Variants in NBPF26 observed in about 807,000 individuals in gnomAD.
NBPF26 encodes the protein NBPF member 26, also known as NBPF family member NBPF26.
Under a neutral mutation model 119.6 loss-of-function variants are expected in NBPF26, and 79 were observed. That is an observed-to-expected ratio of 0.66 (90% CI 0.55 to 0.80). The LOEUF is 0.80. Ranked by LOEUF, NBPF26 falls within the 30% of genes least tolerant of loss-of-function variation. The pLI, the probability that NBPF26 is intolerant of heterozygous loss-of-function variation, is 0.00. For synonymous variants in NBPF26, 299 were observed against 457.7 expected (o/e 0.65, Z 4.43); for missense variants, 800 against 1,198.2 (o/e 0.67, Z 4.91).
In NBPF26 at chr1:120,811,833, A is replaced by G. The variant is rs1651874389; in HGVS notation, c.1565-53A>G. 1.1e-5 allele frequency: 8 copies of G among 720,872 alleles called. 2 individuals are homozygous for G. Among genetic ancestry groups the G allele is most frequent in the South Asian group, 3.0e-5 (2 of 67,766 alleles). The allele number at this position is 720,872 out of a possible 1,614,324, so 44.7% of individuals were successfully genotyped here. ...ACATCCCTCAGTCCTGATTAAGCCT[A>G]TTTGATTTCACCAGTTTTTAACCCA... On this transcript the variant is annotated intron_variant, in intron 9 of 29. Transcript: ENST00000620612.
chr1:120,840,324 T>C (rs1652485289), intron 29 of NBPF26, 26 bp from the exon 36 acceptor site: 1 of 1,444,632 alleles, frequency 6.9e-7, no homozygotes, highest in South Asian at 1.2e-5. Flanking sequence ...CCCTGGCTGC[T>C]TCTTTAGTTT....
At chr1:120,762,474 G>A (rs1479924392) in intron 1 of NBPF26, among the ~76,000 whole-genome samples, 1 of 109,056 alleles carries the variant, frequency 9.2e-6, no homozygotes, top group Non-Finnish European at 1.8e-5. Context: ...GCGTCTCTCT[G>A]ATCTTGCACA....
Position 120,784,276 on chromosome 1 carries a change from A to T in NBPF26, c.156-698A>T, listed in dbSNP as rs1460901803. Reference sequence around the variant, plus strand: ...ATATATGGTTCTGTACACCGGCTTTAGGAGAGTAAGTCTGTTGTACCTCAT... The same window carrying T: ...ATATATGGTTCTGTACACCGGCTTTTGGAGAGTAAGTCTGTTGTACCTCAT... On this transcript the variant is annotated intron_variant, in intron 2 of 29. Transcript: ENST00000620612. Among the ~76,000 whole-genome samples the T allele has an allele frequency of 1.7e-5, 2 of 118,424 alleles. 1 individual carries two copies. The highest frequency in any genetic ancestry group is 3.3e-5 in the Non-Finnish European group (2 of 61,500). 77.7% of individuals were successfully genotyped at this position (118,424 alleles called of 152,430 possible).
rs1651216952 is a variant in NBPF26, at chr1:120,768,282, GCC to G, written c.155+4576_155+4577del. Among the ~76,000 whole-genome samples the G allele has an allele frequency of 1.8e-5, 2 of 109,676 alleles. 1 individual carries two copies. The highest frequency in any genetic ancestry group is 1.1e-4 in the African/African-American group (2 of 17,594). 72.0% of individuals were successfully genotyped at this position (109,676 alleles called of 152,430 possible). A position where few individuals can be genotyped will look rare whatever the true frequency, so the allele number is the denominator to read the frequency against. On this transcript the variant is annotated intron_variant, in intron 2 of 29. Coordinates refer to ENST00000620612, the Ensembl canonical transcript of NBPF26. ...TACCAAGCCCTGAGGTGTTCATTAA[GCC>G]CCTCTAAGGCAGAACTTGTCCTCCC...
Position 120,823,317 on chromosome 1 carries a change from T to C in NBPF26, c.2596T>C (p.Trp866Arg), listed in dbSNP as rs1652164968. 7.8e-6 allele frequency: 11 copies of C among 1,404,382 alleles called. 3 individuals carry two copies. The Middle Eastern group carries it at 7.9e-4, about 101-fold the overall frequency. 87.0% of individuals were successfully genotyped at this position (1,404,382 alleles called of 1,614,324 possible). A position where few individuals can be genotyped will look rare whatever the true frequency, so the allele number is the denominator to read the frequency against. ...TCTGAATTTATTTGCAGGACATCGG[T>C]GGGATCAAGTGAAAAAGGAGGACCA... is the stretch of plus-strand genomic sequence containing the variant. The change falls in exon 17 of 30, where the codon TGG (tryptophan) becomes CGG (arginine). Residue 866 changes from tryptophan to arginine, a missense_variant. By Grantham distance (101) the Trp-to-Arg change is moderately radical (BLOSUM62 -3). This residue lies in a region of NBPF26 where 73 missense variants were observed against 50.7 expected (regional missense o/e 1.44). Transcript: ENST00000620612.
At chr1:120,793,536 C>A in intron 4 of NBPF26, 40 bp downstream of exon 4, 2 of 1,102,592 alleles carry the variant, frequency 1.8e-6, no homozygotes, top group Non-Finnish European at 2.6e-6. Context: ...GGGGACAAAC[C>A]CCTAGCACAG....
At position 120,801,874 on chromosome 1, in the gene NBPF26, A is replaced by T. The variant is rs1394457850; in HGVS notation, c.752-3682A>T. Among the ~76,000 whole-genome samples the T allele has an allele frequency of 3.7e-4, 38 of 101,794 alleles. 7 individuals are homozygous for T. In the South Asian group the frequency reaches 7.2e-3, roughly 19 times the overall value. The allele number at this position is 101,794 out of a possible 152,430, so 66.8% of individuals were successfully genotyped here. A position where few individuals can be genotyped will look rare whatever the true frequency, so the allele number is the denominator to read the frequency against. On this transcript the variant is annotated intron_variant, in intron 4 of 29. Transcript: ENST00000620612. ...AAAGGCATCTCACTTTAATAGTAAG[A>T]GGCCAGAATATGATGCTGGTAGCAT...
chr1:120,832,696 G>A (rs1353169761), intron 22 of NBPF26, among the ~76,000 whole-genome samples, 179 bp from the exon 27 acceptor site: 24 of 120,568 alleles, frequency 2.0e-4, no homozygotes, highest in Non-Finnish European at 3.4e-4. Context: ...CAGTTTCTGG[G>A]AGAAAAACCG....
At position 120,805,846 on chromosome 1, in the gene NBPF26, C is replaced by G. The variant is rs1424955751; in HGVS notation, c.961+81C>G. 5.2e-6 allele frequency: 6 copies of G among 1,144,374 alleles called. 1 individual carries two copies. The highest frequency in any genetic ancestry group is 5.7e-4 in the Middle Eastern group (2 of 3,506). The allele number at this position is 1,144,374 out of a possible 1,614,324, so 70.9% of individuals were successfully genotyped here. ...CTGAGACACTAAATGCTCTCTCCAT[C>G]AAAAAGAATTTCATCCTTCCTGTAC... On this transcript the variant is annotated intron_variant, in intron 5 of 29. Coordinates refer to ENST00000620612, the Ensembl canonical transcript of NBPF26.
rs1181671159 is a variant in NBPF26 at position 120,794,345 on chromosome 1, A to AT, written c.751+853dup. ...ATGATGAGGAGGCTGAAAACCAAGA[A>AT]TTTTGATTGGGAACAGAATACAAGC... On this transcript the variant is annotated intron_variant, in intron 4 of 29. Coordinates refer to ENST00000620612, the Ensembl canonical transcript of NBPF26. Among the ~76,000 whole-genome samples, 3 of 109,690 alleles carry AT rather than the reference A, an allele frequency of 2.7e-5. 1 individual carries two copies. Among genetic ancestry groups the AT allele is most frequent in the Non-Finnish European group, 5.1e-5 (3 of 58,740 alleles). 72.0% of individuals were successfully genotyped at this position (109,690 alleles called of 152,430 possible). A position where few individuals can be genotyped will look rare whatever the true frequency, so the allele number is the denominator to read the frequency against.
chr1:120,742,341 G>T (rs1428487636), intron 1 of NBPF26, among the ~76,000 whole-genome samples: 1 of 32,472 alleles, frequency 3.1e-5, no homozygotes, highest in East Asian at 1.2e-3. Flanking sequence ...GTGTGTGTGT[G>T]TGTGTGTGTG....
At position 120,793,419 on chromosome 1, in the gene NBPF26, G is replaced by T. The variant is rs1310661661; in HGVS notation, c.674G>T (p.Cys225Phe). The T allele has an allele frequency of 1.1e-5, 16 of 1,443,044 alleles. 3 individuals carry two copies. The highest frequency in any genetic ancestry group is 1.5e-5 in the Non-Finnish European group (16 of 1,079,960). The allele number at this position is 1,443,044 out of a possible 1,614,324, so 89.4% of individuals were successfully genotyped here. Residue 225 changes from cysteine to phenylalanine, a missense_variant, in exon 4 of 30, where the codon TGT (cysteine) becomes TTT (phenylalanine). This residue lies in a region of NBPF26 where 155 missense variants were observed against 143.7 expected (regional missense o/e 1.08). Coordinates refer to ENST00000620612, the Ensembl canonical transcript of NBPF26. ...TACTGTGACAGACTGTATGTGCCCT[G>T]TGCACACTCGCCTTGTGTCAATGGA...
rs1453355606 is a variant in NBPF26, at chr1:120,728,407, C to A, written c.73+4157C>A. 1.8e-5 allele frequency among the ~76,000 whole-genome samples: 2 copies of A among 109,096 alleles called. 1 individual carries two copies. The highest frequency in any genetic ancestry group is 3.4e-5 in the Non-Finnish European group (2 of 58,400). The allele number at this position is 109,096 out of a possible 152,430, so 71.6% of individuals were successfully genotyped here. Reference sequence around the variant, plus strand: ...GGGGAAAAACCAAATTTTTCCCTTCCCCAGATGTTTCATTTAAACTTGTAA... The same window carrying A: ...GGGGAAAAACCAAATTTTTCCCTTCACCAGATGTTTCATTTAAACTTGTAA... On this transcript the variant is annotated intron_variant, in intron 1 of 29. Transcript: ENST00000620612.
chr1:120,793,403 A>G, exon 4 of NBPF26: 1 of 1,440,478 alleles, frequency 6.9e-7, no homozygotes, highest in African/African-American at 2.6e-5. Context: ...GTACTGTGAC[A>G]GACTGTATGT....
At position 120,802,249 on chromosome 1, in the gene NBPF26, G is replaced by A. The variant is rs1462917022; in HGVS notation, c.752-3307G>A. On this transcript the variant is annotated intron_variant, in intron 4 of 29. Coordinates refer to ENST00000620612, the Ensembl canonical transcript of NBPF26. ...GGCCCCACCTGAGCCCTCTGAATGA[G>A]AATCCCTGTAAGGAGGACGATGAAC... is the stretch of plus-strand genomic sequence containing the variant. 1.6e-5 allele frequency among the ~76,000 whole-genome samples: 2 copies of A among 125,772 alleles called. 1 individual carries two copies. Among genetic ancestry groups the A allele is most frequent in the Non-Finnish European group, 3.2e-5 (2 of 61,664 alleles). The allele number at this position is 125,772 out of a possible 152,430, so 82.5% of individuals were successfully genotyped here. A position where few individuals can be genotyped will look rare whatever the true frequency, so the allele number is the denominator to read the frequency against.
intron 3 of NBPF26, among the ~76,000 whole-genome samples, chr1:120,792,115 TTCA>T (rs1476053585): frequency 3.5e-5 from 1 of 28,278 alleles, no homozygotes; most frequent in Non-Finnish European, 6.0e-5. Flanking sequence ...CCAGAGTTCC[TTCA>T]TCATTTTCAA....
chr1:120,779,607 T>TA (rs1651339936), intron 2 of NBPF26, among the ~76,000 whole-genome samples: 1 of 121,982 alleles, frequency 8.2e-6, no homozygotes, highest in Admixed American at 8.0e-5. Flanking sequence ...TTTGTGGTTA[T>TA]TTTTTAGAAT....
At chr1:120,784,619 C>A (rs1651400969) in intron 2 of NBPF26, among the ~76,000 whole-genome samples, 1 of 118,462 alleles carries the variant, frequency 8.4e-6, no homozygotes, top group Non-Finnish European at 1.6e-5. Context: ...TTGCTCACCC[C>A]ACACCCTCAT....
At position 120,756,395 on chromosome 1, in the gene NBPF26, A is replaced by G. The variant is rs1227477585; in HGVS notation, c.74-7233A>G. The stretch of plus-strand genomic sequence containing the variant: ...TGAAGAAAAAGTTAAAAGAGCCTGT[A>G]TAACTCCTCTTCATGTATTTTAGGA... On this transcript the variant is annotated intron_variant, in intron 1 of 29. Coordinates refer to ENST00000620612, the Ensembl canonical transcript of NBPF26. 5.9e-5 allele frequency among the ~76,000 whole-genome samples: 7 copies of G among 118,290 alleles called. 1 individual carries two copies. The East Asian group carries it at 1.5e-3, about 25-fold the overall frequency. The allele number at this position is 118,290 out of a possible 152,430, so 77.6% of individuals were successfully genotyped here.
Sources: allele counts gnomAD v4.1 joint callset (sites outside exome capture counted in the v4.1 genomes callset), GRCh38; gene constraint gnomAD v4.1.1; regional missense constraint gnomAD v4.1.1; transcripts MANE v1.5; gene names NCBI Gene and HGNC (gene_info 2026-07-23, HGNC 2026-07-21).